KCNK2: variants seen among roughly 807,000 people sequenced by gnomAD.
KCNK2 encodes the protein potassium two pore domain channel subfamily K member 2.
Under a neutral mutation model 40.5 loss-of-function variants are expected in KCNK2, and 21 were observed. The ratio of observed to expected loss-of-function variants is 0.52; its 90% CI spans 0.37 to 0.75. KCNK2 has a LOEUF of 0.75. Among genes scored for constraint, KCNK2 ranks in the 30% least tolerant of loss-of-function variants. The pLI is 0.00. For missense variants in KCNK2, 399 were observed against 531.6 expected (o/e 0.75, Z 2.45); for synonymous variants, 191 against 202.2 (o/e 0.94, Z 0.47).
chr1:215,148,903 A>G (rs568951929), intron 3 of KCNK2, among the ~76,000 whole-genome samples: 3 of 152,212 alleles, frequency 2.0e-5, no homozygotes, highest in Non-Finnish European at 2.9e-5. Context: ...AGAAAACAAC[A>G]TAAAAATGAA....
Position 215,195,416 on chromosome 1 carries a change from T to C in KCNK2, c.963+324T>C, listed in dbSNP as rs550932764. Among the ~76,000 whole-genome samples the C allele has an allele frequency of 6.1e-4, 93 of 152,092 alleles. 1 individual carries two copies. Among genetic ancestry groups the C allele is most frequent in the African/African-American group, 2.0e-3 (82 of 41,564 alleles). On this transcript the variant is annotated intron_variant, in intron 6 of 6. Coordinates refer to ENST00000444842, the MANE Select transcript of KCNK2 (RefSeq NM_001017425.3). ...TCTCAAGAGCACAAAATAAATTTTA[T>C]TCTGTAAATAAAAATATAATAGAAA...
chr1:215,090,075 C>G (rs1427137547), intron 2 of KCNK2, among the ~76,000 whole-genome samples: 1 of 152,126 alleles, frequency 6.6e-6, no homozygotes, highest in Non-Finnish European at 1.5e-5. Flanking sequence ...ATCCACCTGC[C>G]TCAGCCTCCC....
chr1:215,036,096 C>A (rs559752816), intron 1 of KCNK2, among the ~76,000 whole-genome samples: 5 of 149,098 alleles, frequency 3.4e-5, no homozygotes, highest in Admixed American at 6.7e-5. Flanking sequence ...GTAAAAAAAT[C>A]TTTGCCTACT....
At chr1:215,132,688 G>A (rs1255396750) in intron 3 of KCNK2, among the ~76,000 whole-genome samples, 1 of 151,984 alleles carries the variant, frequency 6.6e-6, no homozygotes, top group Non-Finnish European at 1.5e-5. Context: ...AACCCATATC[G>A]GAATATTATT....
intron 1 of KCNK2, among the ~76,000 whole-genome samples, chr1:215,037,840 ATTATC>A (rs973742410): frequency 1.3e-4 from 19 of 151,874 alleles, no homozygotes; most frequent in African/African-American, 4.1e-4. Context: ...ATATGTCCTT[ATTATC>A]TTTTTAAGAC....
intron 3 of KCNK2, among the ~76,000 whole-genome samples, chr1:215,155,637 A>C (rs1282355976): frequency 3.3e-5 from 5 of 152,106 alleles, no homozygotes. Context: ...TTCCTGCCTC[A>C]GCCTCTCAGG....
chr1:215,157,587 T>C (rs559832255), intron 3 of KCNK2, among the ~76,000 whole-genome samples: 5 of 152,240 alleles, frequency 3.3e-5, no homozygotes, highest in African/African-American at 1.2e-4. Flanking sequence ...ATTTTGAGTA[T>C]GAATACCTTA....
intron 2 of KCNK2, among the ~76,000 whole-genome samples, chr1:215,104,354 C>T (rs1660346634): frequency 6.6e-6 from 1 of 152,052 alleles, no homozygotes. Flanking sequence ...TAAATACCAT[C>T]ATCGTTCTAG....
At chr1:215,174,208 C>G (rs1310555267) in intron 5 of KCNK2, among the ~76,000 whole-genome samples, 1 of 152,096 alleles carries the variant, frequency 6.6e-6, no homozygotes, top group African/African-American at 2.4e-5. Context: ...GTTTTCCCAG[C>G]ACCATTTATT....
At chr1:215,119,431 T>C (rs1661084416) in intron 2 of KCNK2, among the ~76,000 whole-genome samples, 1 of 152,186 alleles carries the variant, frequency 6.6e-6, no homozygotes, top group South Asian at 2.1e-4. Flanking sequence ...TGTTCCATAA[T>C]TATCTTTATC....
intron 3 of KCNK2, among the ~76,000 whole-genome samples, chr1:215,155,575 A>G (rs2102617743): frequency 6.6e-6 from 1 of 152,252 alleles, no homozygotes; most frequent in Admixed American, 6.5e-5. Flanking sequence ...GCTGGAGTGC[A>G]GTGGCGCGAT....
At chr1:215,100,146 C>A (rs1660145881) in intron 2 of KCNK2, among the ~76,000 whole-genome samples, 1 of 151,826 alleles carries the variant, frequency 6.6e-6, no homozygotes, top group South Asian at 2.1e-4. Context: ...CCTCATTTAT[C>A]TTCTAGATGT....
chr1:215,060,614 G>A lies in KCNK2; in HGVS notation c.35-25754G>A, dbSNP rs184965913. ...GGCTTTGAGGAAGATCAGAGTAGCC[G>A]TAGAAAAAAATTATGAATCTATATT... On this transcript the variant is annotated intron_variant, in intron 1 of 6. Transcript: ENST00000391895. 2.0e-5 allele frequency among the ~76,000 whole-genome samples: 3 copies of A among 152,268 alleles called. No individual in the cohort carries two copies. In the East Asian group the frequency reaches 5.8e-4, roughly 29 times the overall value.
intron 1 of KCNK2, among the ~76,000 whole-genome samples, chr1:215,046,081 G>A (rs1657757366): frequency 1.3e-5 from 2 of 152,292 alleles, no homozygotes; most frequent in African/African-American, 2.4e-5. Context: ...CAATACGGGA[G>A]TGATTTACAC....
intron 2 of KCNK2, among the ~76,000 whole-genome samples, chr1:215,118,845 T>C (rs575457251): frequency 6.6e-6 from 1 of 152,314 alleles, no homozygotes; most frequent in Non-Finnish European, 1.5e-5. Context: ...GAATTTTCTT[T>C]ATCACTTAAA....
At chr1:215,066,770 A>C (rs1658562569) in intron 1 of KCNK2, among the ~76,000 whole-genome samples, 1 of 152,132 alleles carries the variant, frequency 6.6e-6, no homozygotes. Context: ...TTATAACTTC[A>C]GGCCAGGTAG....
chr1:215,221,225 G>A (rs948292440), intron 6 of KCNK2, among the ~76,000 whole-genome samples: 4 of 151,940 alleles, frequency 2.6e-5, no homozygotes, highest in African/African-American at 4.8e-5. Context: ...AATACAAAAA[G>A]TAGTCAGGCG....
chr1:215,030,486 G>A (rs891595511), intron 1 of KCNK2, among the ~76,000 whole-genome samples: 19 of 151,904 alleles, frequency 1.3e-4, no homozygotes, highest in Non-Finnish European at 2.1e-4. Flanking sequence ...CAAAGCCACA[G>A]CCAGCCTGCT....
chr1:215,024,685 G>A (rs373765912), intron 1 of KCNK2, among the ~76,000 whole-genome samples: 1 of 151,916 alleles, frequency 6.6e-6, no homozygotes, highest in Non-Finnish European at 1.5e-5. Context: ...ATATCAAAGA[G>A]CCCTAAATGA....
Sources: gnomAD v4.1 joint callset for allele counts (sites outside exome capture counted in the v4.1 genomes callset) on GRCh38, gnomAD v4.1.1 for gene constraint, MANE v1.5 for transcripts, NCBI Gene and HGNC (gene_info 2026-07-23, HGNC 2026-07-21) for gene names.